The following WDR4 variants were observed in gnomAD, a reference collection of about 807,000 sequenced individuals.
The protein encoded by WDR4 is WDR4 tRNA N7-guanosine methyltransferase non-catalytic subunit.
In WDR4, 47 loss-of-function variants were observed where a neutral mutation model predicts 48.6. The ratio of observed to expected loss-of-function variants is 0.97; its 90% confidence interval spans 0.77 to 1.23. WDR4 has a LOEUF of 1.23. Ranked by LOEUF, WDR4 falls within the 50% of genes most tolerant of loss-of-function variation. The probability of loss-of-function intolerance (pLI) is 0.00; values close to 1 mark genes in which losing one functional copy is unlikely to be tolerated. For missense variants in WDR4, 606 were observed against 551.6 expected, an observed-to-expected ratio of 1.10 and a Z score of -0.99; for synonymous variants, 268 against 230.0, an observed-to-expected ratio of 1.17 and a Z score of -1.49.
intron 6 of WDR4, 69 bp downstream of exon 6, chr21:42,859,593 A>AGGTGG: frequency 7.2e-6 from 4 of 553,756 alleles, no homozygotes; most frequent in Non-Finnish European, 1.2e-5. Flanking sequence ...CAGGTCCAGG[A>AGGTGG]GGCGCCCACC....
chr21:42,846,101 G>A (rs1456759937), downstream of WDR4, among the ~76,000 whole-genome samples: 2 of 152,010 alleles, frequency 1.3e-5, no homozygotes, highest in East Asian at 3.9e-4. Flanking sequence ...CTCCAGCCTG[G>A]GTAACAGAGC....
chr21:42,846,616 G>A (rs1569307425), downstream of WDR4, among the ~76,000 whole-genome samples: 1 of 152,204 alleles, frequency 6.6e-6, no homozygotes, highest in Non-Finnish European at 1.5e-5. Context: ...GGGAGGCCAA[G>A]GTGGGAGGAC....
chr21:42,892,097 A>G, the WDR4 span, among the ~76,000 whole-genome samples: 2 of 150,550 alleles, frequency 1.3e-5, no homozygotes, highest in South Asian at 4.2e-4. Flanking sequence ...ACTAAAAATT[A>G]CAAAAATTTA....
chr21:42,890,525 G>C, the WDR4 span, among the ~76,000 whole-genome samples: 21 of 152,204 alleles, frequency 1.4e-4, no homozygotes, highest in Admixed American at 1.3e-3. Flanking sequence ...AGCAGAGCGA[G>C]ACTCCGTCTC....
intron 11 of WDR4, among the ~76,000 whole-genome samples, chr21:42,843,538 G>A (rs977371591): frequency 2.0e-5 from 3 of 150,190 alleles, no homozygotes; most frequent in Non-Finnish European, 3.0e-5. Context: ...AGCCTCCCGA[G>A]CAGCTGGGAC....
At chr21:42,877,112 C>T (rs1017381101) in intron 1 of WDR4, among the ~76,000 whole-genome samples, 3 of 133,106 alleles carry the variant, frequency 2.3e-5, no homozygotes, top group Middle Eastern at 4.1e-3. Flanking sequence ...GCGCCTGGCC[C>T]ATGTGAGCCA....
At chr21:42,850,935 A>G (rs2057809912) in intron 10 of WDR4, among the ~76,000 whole-genome samples, 1 of 152,120 alleles carries the variant, frequency 6.6e-6, no homozygotes, top group Admixed American at 6.5e-5. Flanking sequence ...TAACCCGCGC[A>G]CCAGCGACTG....
intron 1 of WDR4, 104 bp from the exon 2 acceptor site, chr21:42,876,871 T>G: frequency 9.5e-7 from 1 of 1,050,088 alleles, no homozygotes; most frequent in East Asian, 2.8e-5. Flanking sequence ...CAGGCTCCAG[T>G]ACAATGGCAC....
At chr21:42,852,393 C>CA (rs1162195648) in intron 9 of WDR4, 69 bp from the exon 10 acceptor site, 20 of 1,548,926 alleles carry the variant, frequency 1.3e-5, no homozygotes, top group Non-Finnish European at 1.7e-5. Context: ...CAGGACGCAA[C>CA]ACATGCTGGC....
chr21:42,879,562 G>A, upstream of WDR4: 1 of 1,577,314 alleles, frequency 6.3e-7, no homozygotes, highest in Non-Finnish European at 8.6e-7. Context: ...GCACCGGTCG[G>A]TGACGCCAGG....
At chr21:42,853,841 G>C (rs564818408) in intron 8 of WDR4, 89 bp from the exon 9 acceptor site, 2 of 1,378,952 alleles carry the variant, frequency 1.5e-6, no homozygotes, top group Non-Finnish European at 2.0e-6. Flanking sequence ...TGCAGCCCTC[G>C]CCGGTGCCAC....
upstream of WDR4, among the ~76,000 whole-genome samples, chr21:42,882,378 C>T (rs1446556169): frequency 2.0e-5 from 3 of 150,658 alleles, no homozygotes; most frequent in Non-Finnish European, 4.4e-5. Context: ...GCCTGGCCAA[C>T]ACGGTGAAAC....
chr21:42,852,445 A>C, intron 9 of WDR4, 121 bp from the exon 10 acceptor site: 1 of 1,066,384 alleles, frequency 9.4e-7, no homozygotes, highest in South Asian at 1.5e-5. Context: ...GTGCCTGGGG[A>C]CCCCCATTCA....
intron 2 of WDR4, among the ~76,000 whole-genome samples, chr21:42,876,363 G>A (rs1296524493): frequency 6.6e-6 from 1 of 151,686 alleles, no homozygotes; most frequent in Non-Finnish European, 1.5e-5. Context: ...ACAGGTGCCT[G>A]CCACCACGCC....
At chr21:42,883,735 C>A (rs554254503), upstream of WDR4, 1 of 153,754 alleles carries the variant, frequency 6.5e-6, no homozygotes, top group African/African-American at 2.4e-5. Flanking sequence ...CTCCCCTAGA[C>A]CTTTCAGAAG....
intron 6 of WDR4, 105 bp downstream of exon 6, chr21:42,859,557 G>T (rs1051783654): frequency 3.4e-6 from 2 of 584,382 alleles, no homozygotes; most frequent in South Asian, 2.2e-5. Context: ...GCCACAGCCA[G>T]CCAGGGGCCA....
upstream of WDR4, among the ~76,000 whole-genome samples, chr21:42,881,503 T>G (rs984682732): frequency 2.6e-5 from 4 of 152,230 alleles, no homozygotes; most frequent in African/African-American, 9.7e-5. Flanking sequence ...TGATATGATC[T>G]TTTTCAAGTC....
chr21:42,856,158 C>G (rs908678861), intron 6 of WDR4, among the ~76,000 whole-genome samples: 3 of 152,196 alleles, frequency 2.0e-5, no homozygotes, highest in African/African-American at 7.2e-5. Context: ...CAGGTCTGCG[C>G]AGACACTTCA....
intron 10 of WDR4, 95 bp from the exon 11 acceptor site, chr21:42,850,337 A>C: frequency 8.5e-7 from 1 of 1,180,520 alleles, no homozygotes; most frequent in East Asian, 2.6e-5. Flanking sequence ...TTACCTCGTG[A>C]CTCCCAGAGT....
Sources: gnomAD v4.1 joint callset for allele counts (sites outside exome capture counted in the v4.1 genomes callset) on GRCh38, gnomAD v4.1.1 for gene constraint, MANE v1.5 for transcripts, NCBI Gene and HGNC (gene_info 2026-07-23, HGNC 2026-07-21) for gene names.